Variants in PKIB observed in about 807,000 individuals in gnomAD.
PKIB encodes PKI-beta.
A neutral mutation model predicts 4.5 loss-of-function variants in PKIB; 2 were observed. That is an observed-to-expected ratio of 0.44 (90% CI 0.18 to 1.39). The LOEUF (loss-of-function observed/expected upper bound fraction) is 1.39, where lower values mean the gene tolerates loss of function less well. Among genes scored for constraint, PKIB ranks in the 40% most tolerant of loss-of-function variants. The pLI is 0.27. For missense variants in PKIB, 94 were observed against 92.6 expected (o/e 1.02, Z -0.06); for synonymous variants, 38 against 36.0 (o/e 1.06, Z -0.20).
At chr6:122,587,694 T>G (rs1399724043) in intron 3 of PKIB, among the ~76,000 whole-genome samples, 5 of 152,146 alleles carry the variant, frequency 3.3e-5, no homozygotes, top group Non-Finnish European at 7.4e-5. Flanking sequence ...ACCTGTTGTT[T>G]CCTGACTTTT....
chr6:122,627,198 G>T (rs1247146941), intron 1 of PKIB, among the ~76,000 whole-genome samples: 1 of 150,746 alleles, frequency 6.6e-6, no homozygotes, highest in Non-Finnish European at 1.5e-5. Context: ...AGCCGAGATT[G>T]TGCCTACTGC....
intron 3 of PKIB, among the ~76,000 whole-genome samples, chr6:122,588,190 T>C (rs1773908811): frequency 6.6e-6 from 1 of 152,196 alleles, no homozygotes; most frequent in South Asian, 2.1e-4. Flanking sequence ...CATCTTGAAT[T>C]AATTTTTGTG....
At chr6:122,474,488 T>C (rs1413249681) in intron 1 of PKIB, among the ~76,000 whole-genome samples, 1 of 152,372 alleles carries the variant, frequency 6.6e-6, no homozygotes, top group South Asian at 2.1e-4. Context: ...CTTCATAGCC[T>C]TCTGGCAGCC....
At chr6:122,540,241 C>T (rs1777550908) in intron 2 of PKIB, among the ~76,000 whole-genome samples, 1 of 151,864 alleles carries the variant, frequency 6.6e-6, no homozygotes, top group South Asian at 2.1e-4. Context: ...TGTGTTTGCT[C>T]TTGCTTTTCT....
chr6:122,507,877 G>A (rs1185948110), intron 2 of PKIB, among the ~76,000 whole-genome samples: 3 of 148,212 alleles, frequency 2.0e-5, no homozygotes, highest in Admixed American at 6.6e-5. Flanking sequence ...CCTGTTAAAT[G>A]TTGTTTAGTT....
At chr6:122,522,890 T>C (rs888053002) in intron 2 of PKIB, among the ~76,000 whole-genome samples, 4 of 152,230 alleles carry the variant, frequency 2.6e-5, no homozygotes, top group Admixed American at 1.3e-4. Context: ...TTTTATATTA[T>C]AGAATCATGT....
At chr6:122,688,478 G>C (rs1489439944) in intron 3 of PKIB, among the ~76,000 whole-genome samples, 1 of 149,968 alleles carries the variant, frequency 6.7e-6, no homozygotes, top group Non-Finnish European at 1.5e-5. Flanking sequence ...GGATGAATTT[G>C]ACAGTATTCT....
chr6:122,557,488 T>C (rs1772881434), intron 2 of PKIB, among the ~76,000 whole-genome samples: 1 of 152,194 alleles, frequency 6.6e-6, no homozygotes, highest in South Asian at 2.1e-4. Context: ...TGTAAGATTG[T>C]AAGTTAAAGC....
intron 2 of PKIB, among the ~76,000 whole-genome samples, chr6:122,485,518 G>A (rs546421968): frequency 2.0e-5 from 3 of 152,268 alleles, no homozygotes; most frequent in South Asian, 2.1e-4. Context: ...AAATTTTCTG[G>A]AATAATTAGG....
At chr6:122,520,678 C>A (rs1776915171) in intron 2 of PKIB, among the ~76,000 whole-genome samples, 1 of 139,640 alleles carries the variant, frequency 7.2e-6, no homozygotes, top group Non-Finnish European at 1.5e-5. Flanking sequence ...CCCCCCCCAC[C>A]AAATTTATAT....
chr6:122,604,795 T>G (rs1333204775), intron 3 of PKIB, among the ~76,000 whole-genome samples: 1 of 152,224 alleles, frequency 6.6e-6, no homozygotes, highest in Non-Finnish European at 1.5e-5. Flanking sequence ...TTCTGTGTTC[T>G]TTTCATATGC....
chr6:122,520,426 C>T (rs555169329), intron 2 of PKIB, among the ~76,000 whole-genome samples: 1 of 152,260 alleles, frequency 6.6e-6, no homozygotes, highest in South Asian at 2.1e-4. Context: ...CACAATAAAT[C>T]ATGAATGCGT....
chr6:122,484,318 A>G (rs115436081), intron 2 of PKIB, among the ~76,000 whole-genome samples: 251 of 152,340 alleles, frequency 1.6e-3, no homozygotes, highest in African/African-American at 5.8e-3. Flanking sequence ...CAAATTGTAT[A>G]AAATAATTTC....
chr6:122,639,118 G>A (rs1421289981), intron 2 of PKIB, among the ~76,000 whole-genome samples: 2 of 152,090 alleles, frequency 1.3e-5, no homozygotes, highest in Non-Finnish European at 2.9e-5. Flanking sequence ...TTTTAAGCAC[G>A]ACTAACCAAA....
chr6:122,571,266 A>G (rs1773360537), intron 2 of PKIB, among the ~76,000 whole-genome samples: 1 of 152,200 alleles, frequency 6.6e-6, no homozygotes. Context: ...AAAATGGCCA[A>G]ACCTAAGAAT....
intron 3 of PKIB, among the ~76,000 whole-genome samples, chr6:122,681,441 G>A (rs1223117868): frequency 6.6e-6 from 1 of 152,046 alleles, no homozygotes; most frequent in Non-Finnish European, 1.5e-5. Flanking sequence ...AATAAACTGA[G>A]TTTTGCTCAT....
chr6:122,526,970 T>A (rs1317205891), intron 2 of PKIB, among the ~76,000 whole-genome samples: 1 of 152,306 alleles, frequency 6.6e-6, no homozygotes, highest in East Asian at 1.9e-4. Context: ...GAATTAATGA[T>A]CTTGGCTACG....
intron 2 of PKIB, among the ~76,000 whole-genome samples, chr6:122,552,589 G>T (rs1277648965): frequency 5.9e-5 from 9 of 151,888 alleles, no homozygotes; most frequent in Admixed American, 5.9e-4. Flanking sequence ...TGTTTGCCAG[G>T]CTCGTCTCAA....
chr6:122,485,749 G>C (rs1281371835), intron 2 of PKIB, among the ~76,000 whole-genome samples: 1 of 152,210 alleles, frequency 6.6e-6, no homozygotes, highest in Non-Finnish European at 1.5e-5. Flanking sequence ...ATCATTAGCA[G>C]TCGAGTGCCT....
Sources: allele counts gnomAD v4.1 joint callset (sites outside exome capture counted in the v4.1 genomes callset), GRCh38; gene constraint gnomAD v4.1.1; transcripts MANE v1.5; gene names NCBI Gene and HGNC (gene_info 2026-07-23, HGNC 2026-07-21).